The following ATP4A variants were observed in gnomAD, a reference collection of about 807,000 sequenced individuals.
ATP4A encodes potassium-transporting ATPase alpha chain 1.
In ATP4A, 73 loss-of-function variants were observed where a neutral mutation model predicts 112.1. That is an observed-to-expected ratio of 0.65 (90% CI 0.54 to 0.79). The LOEUF is 0.79. Among genes scored for constraint, ATP4A ranks in the 30% least tolerant of loss-of-function variants. The pLI is 0.00. For synonymous variants in ATP4A, 588 were observed against 588.9 expected, an observed-to-expected ratio of 1.00 and a Z score of 0.02; for missense variants, 1,081 against 1,425.9, an observed-to-expected ratio of 0.76 and a Z score of 3.90.
Position 35,558,292 on chromosome 19 carries a change from G to T in ATP4A, c.1500+70C>A. The T allele has an allele frequency of 6.5e-7, 1 of 1,533,840 alleles. No homozygotes were observed. Among genetic ancestry groups the T allele is most frequent in the South Asian group, 1.2e-5 (1 of 83,356 alleles). On this transcript the variant is annotated intron_variant, in intron 10 of 21. Coordinates refer to ENST00000262623, the MANE Select transcript of ATP4A (RefSeq NM_000704.3). This position sits in a 1 kb window ranked among gnomAD's most constrained non-coding sequence, Gnocchi z 5.1. ...GGAGCGAAGCCCCTCGTGGCCCGCT[G>T]ATGTGGGTGTGGCCTGGGGCGGGGC...
Position 35,550,285 on chromosome 19 carries a change from G to C in ATP4A, c.*330C>G, listed in dbSNP as rs1013814293. On this transcript the variant is annotated 3_prime_UTR_variant, in exon 22 of 22. Transcript: ENST00000262623. This position sits in a 1 kb window ranked among gnomAD's most constrained non-coding sequence, Gnocchi z 4.1. Reference sequence around the variant, plus strand: ...GGCCCTCAGGCAGCCGTCCAGCCTGGACTGGAGTCCTAAGAACAGAAACAC... The same window carrying C: ...GGCCCTCAGGCAGCCGTCCAGCCTGCACTGGAGTCCTAAGAACAGAAACAC... The C allele has an allele frequency of 5.3e-5, 20 of 378,112 alleles. No individual in the cohort carries two copies. Among genetic ancestry groups the C allele is most frequent in the African/African-American group, 3.9e-4 (19 of 48,992 alleles). 23.4% of individuals were successfully genotyped at this position (378,112 alleles called of 1,614,324 possible).
intron 3 of ATP4A, 36 bp from the exon 4 acceptor site, chr19:35,562,674 G>T (rs1452705682): frequency 9.1e-6 from 14 of 1,542,536 alleles, no homozygotes; most frequent in Non-Finnish European, 1.2e-5. Flanking sequence ...GGTCCTGGGG[G>T]CTTTCCTCCA....
chr19:35,561,352 C>T (rs562027531), intron 4 of ATP4A, among the ~76,000 whole-genome samples: 14 of 151,934 alleles, frequency 9.2e-5, no homozygotes, highest in African/African-American at 3.4e-4. Flanking sequence ...AGTTTCACAT[C>T]CTGGGTTTTC....
chr19:35,563,053 T>G (rs2071681408), intron 3 of ATP4A, among the ~76,000 whole-genome samples, 156 bp downstream of exon 3: 1 of 125,290 alleles, frequency 8.0e-6, no homozygotes, highest in Non-Finnish European at 1.6e-5. Flanking sequence ...CCTCCCTCCC[T>G]CTTTCCTTTT....
rs1356468011 is a variant in ATP4A at position 35,563,288 on chromosome 19, AG to A, written c.157-21del. On this transcript the variant is annotated intron_variant, in intron 2 of 21. Coordinates refer to ENST00000262623, the MANE Select transcript of ATP4A (RefSeq NM_000704.3). ...GTCGTTCTGTGTGGTGGGGTGGGGC[AG>A]GGTGCTTGCTCTGGGCTCTCCTGGC... is the stretch of plus-strand genomic sequence containing the variant. 1.2e-6 allele frequency: 2 copies of A among 1,613,974 alleles called. No individual in the cohort carries two copies. The highest frequency in any genetic ancestry group is 1.7e-6 in the Non-Finnish European group (2 of 1,180,004).
chr19:35,559,816 C>T lies in ATP4A; in HGVS notation c.1045G>A (p.Ala349Thr). Reference sequence around the variant, plus strand: ...CTGCCCCCACTCACTGTGACAGTGGCCAGCAGCCCCTCAGGCACATAGGCC... The same window carrying T: ...CTGCCCCCACTCACTGTGACAGTGGTCAGCAGCCCCTCAGGCACATAGGCC... ...VVAYVPEGLL[A>T]TVTVCLSLTA... is the part of the protein sequence containing the mutation. Residue 349 changes from alanine (A) to threonine (T), a missense_variant, in exon 7 of 22, where the codon GCC becomes ACC. Around this residue, in one of 3 missense-constraint regions of ATP4A, gnomAD observed 850 missense variants for 1,068.2 expected, o/e 0.80. Transcript: ENST00000262623. This position sits in a 1 kb window ranked among gnomAD's most constrained non-coding sequence, Gnocchi z 4.1. 5 of 1,613,910 alleles carry T rather than the reference C, an allele frequency of 3.1e-6. No individual in the cohort carries two copies. The highest frequency in any genetic ancestry group is 4.2e-6 in the Non-Finnish European group (5 of 1,179,836).
rs758505901 is a variant in ATP4A at position 35,557,656 on chromosome 19, G to A, written c.1692C>T (p.Leu564=). 25 of 1,604,748 alleles carry A rather than the reference G, an allele frequency of 1.6e-5. No individual in the cohort carries two copies. Among genetic ancestry groups the A allele is most frequent in the Non-Finnish European group, 2.0e-5 (24 of 1,176,616 alleles). The change falls in exon 11 of 22, where the codon CTC becomes CTT. Residue 564 remains leucine (L), a splice_region_variant and synonymous_variant. Transcript: ENST00000262623. This position sits in a 1 kb window ranked among gnomAD's most constrained non-coding sequence, Gnocchi z 4.4. ...LSLGGLGERV[L]GFCQLYLNEK... is the part of the protein sequence containing the mutation. ...TCCTCCCCTGCCCAGGGGTCTCACC[G>A]AGCACGCGTTCGCCCAGGCCTCCCA...
Position 35,562,527 on chromosome 19 carries a change from C to A in ATP4A, c.328G>T (p.Gly110Cys). The A allele has an allele frequency of 6.2e-7, 1 of 1,613,912 alleles. No individual in the cohort carries two copies. The highest frequency in any genetic ancestry group is 8.5e-7 in the Non-Finnish European group (1 of 1,179,954). The change falls in exon 4 of 22, where the codon GGC becomes TGC. Residue 110 changes from glycine (G) to cysteine (C), a missense_variant. Gly to Cys is a radical substitution (Grantham distance 159). This residue lies in a region of ATP4A where 850 missense variants were observed against 1,068.2 expected (regional missense o/e 0.80). Coordinates refer to ENST00000262623, the MANE Select transcript of ATP4A (RefSeq NM_000704.3). ...GCAACCCACATGAGGCACTGCAGGC[C>A]CCCGGCCAGCTGCCTCGCGAACTTG... Reference protein sequence around the residue: ...YVKFARQLAGGLQCLMWVAAA... With the variant: ...YVKFARQLAGCLQCLMWVAAA...
chr19:35,560,422 G>T lies in ATP4A; in HGVS notation c.728C>A (p.Thr243Lys). 4 of 1,613,884 alleles carry T rather than the reference G, an allele frequency of 2.5e-6. No homozygotes were observed. The highest frequency in any genetic ancestry group is 3.4e-6 in the Non-Finnish European group (4 of 1,180,000). Residue 243 changes from threonine (T) to lysine (K), a missense_variant, in exon 6 of 22, where the codon ACG becomes AAG. Physicochemically the swap from Thr to Lys is moderately conservative, Grantham distance 78 (BLOSUM62 -1). Coordinates refer to ENST00000262623, the MANE Select transcript of ATP4A (RefSeq NM_000704.3). The surrounding 1 kb of genome is among the most constrained non-coding windows in gnomAD (Gnocchi z 5.1). ...GCGGGTCTCCAGAGGGCTCTCGTGC[G>T]TGCACTCGGGTGAGCGGGTCTGTGG... The part of the protein sequence containing the change: ...SEPQTRSPEC[T>K]HESPLETRNI...
At position 35,559,197 on chromosome 19, in the gene ATP4A, G is replaced by A. The variant is rs757096293; in HGVS notation, c.1057-6C>T. 1.9e-6 allele frequency: 3 copies of A among 1,613,446 alleles called. No homozygotes were observed. In the South Asian group the frequency reaches 3.3e-5, roughly 18 times the overall value. ...GCTGTCAGGGACAGGCAGACCTGGGGAAGGGGTGAGCACCGCAGGCTGGGG... is the reference window on the plus strand; with the variant it reads ...GCTGTCAGGGACAGGCAGACCTGGGAAAGGGGTGAGCACCGCAGGCTGGGG... On this transcript the variant is annotated splice_polypyrimidine_tract_variant and splice_region_variant and intron_variant, in intron 7 of 21. Coordinates refer to ENST00000262623, the MANE Select transcript of ATP4A (RefSeq NM_000704.3). This position sits in a 1 kb window ranked among gnomAD's most constrained non-coding sequence, Gnocchi z 4.1.
At position 35,551,052 on chromosome 19, in the gene ATP4A, T is replaced by C. The variant is rs2071598860; in HGVS notation, c.2945A>G (p.Tyr982Cys). Reference sequence around the variant, plus strand: ...GAAGATGTTGGGCATGCCGGGGCAGTAGCACAGGAAGCAGCCGATGCAGAC... The same window carrying C: ...GAAGATGTTGGGCATGCCGGGGCAGCAGCACAGGAAGCAGCCGATGCAGAC... ...FQVCIGCFLC[Y>C]CPGMPNIFNF... Residue 982 changes from tyrosine to cysteine, a missense_variant, in exon 20 of 22, where the codon TAC becomes TGC. Physicochemically the swap from Tyr to Cys is radical, Grantham distance 194. Around this residue, in one of 3 missense-constraint regions of ATP4A, gnomAD observed 219 missense variants for 320.9 expected, o/e 0.68. Transcript: ENST00000262623. The surrounding 1 kb of genome is among the most constrained non-coding windows in gnomAD (Gnocchi z 5.2). The C allele has an allele frequency of 1.5e-5, 25 of 1,613,744 alleles. No homozygotes were observed. The highest frequency in any genetic ancestry group is 2.0e-5 in the Non-Finnish European group (24 of 1,179,884).
At position 35,553,825 on chromosome 19, in the gene ATP4A, G is replaced by A; in HGVS notation, c.2486C>T (p.Pro829Leu). The A allele has an allele frequency of 6.4e-7, 1 of 1,574,290 alleles. No individual in the cohort carries two copies. Among genetic ancestry groups the A allele is most frequent in the Non-Finnish European group, 8.6e-7 (1 of 1,159,366 alleles). The change falls in exon 17 of 22, where the codon CCA (proline) becomes CTA (leucine). Residue 829 changes from proline to leucine, a missense_variant. Pro to Leu is a moderately conservative substitution (Grantham distance 98). Transcript: ENST00000262623. ...CTTTTCATATGCCAGGGACACAGAT[G>A]GGAACTGGCCAGGAGTGGAAGGAAC... is the stretch of plus-strand genomic sequence containing the variant. ...LFIELCTDIF[P>L]SVSLAYEKAE...
chr19:35,560,798 G>T lies in ATP4A; in HGVS notation c.534+21C>A, dbSNP rs1599575074. 6.2e-7 allele frequency: 1 copy of T among 1,609,542 alleles called. No individual in the cohort carries two copies. Among genetic ancestry groups the T allele is most frequent in the East Asian group, 2.2e-5 (1 of 44,866 alleles). On this transcript the variant is annotated intron_variant, in intron 5 of 21. Transcript: ENST00000262623. The surrounding 1 kb of genome is among the most constrained non-coding windows in gnomAD (Gnocchi z 5.1). ...TTTGGAGTCTCTGGGATCTGGAGTG[G>T]CTGGGTGCTGGGGAACCCACCTGTG...
intron 3 of ATP4A, 74 bp from the exon 4 acceptor site, chr19:35,562,712 C>A (rs1412009760): frequency 1.4e-6 from 2 of 1,435,730 alleles, no homozygotes; most frequent in Non-Finnish European, 1.9e-6. Flanking sequence ...AAGCCCCCTG[C>A]TTCAGTTTCC....
At position 35,559,732 on chromosome 19, in the gene ATP4A, G is replaced by C; in HGVS notation, c.1056+73C>G. On this transcript the variant is annotated intron_variant, in intron 7 of 21. Coordinates refer to ENST00000262623, the MANE Select transcript of ATP4A (RefSeq NM_000704.3). The surrounding 1 kb of genome is among the most constrained non-coding windows in gnomAD (Gnocchi z 4.1). ...GATAGACAGGCAGGGAGGTGATGGGGGAAATGTGGAGGAAAGAACAGATGG... is the reference window on the plus strand; with the variant it reads ...GATAGACAGGCAGGGAGGTGATGGGCGAAATGTGGAGGAAAGAACAGATGG... 6.4e-7 allele frequency: 1 copy of C among 1,558,306 alleles called. No individual in the cohort carries two copies. The highest frequency in any genetic ancestry group is 8.7e-7 in the Non-Finnish European group (1 of 1,149,844).
In ATP4A at chr19:35,559,842, AC is replaced by A. The variant is rs753035731; in HGVS notation, c.1018del (p.Val340TrpfsTer18). On this transcript the variant is annotated frameshift_variant, in exon 7 of 22. Transcript: ENST00000262623. LOFTEE classifies it high-confidence loss of function. This position sits in a 1 kb window ranked among gnomAD's most constrained non-coding sequence, Gnocchi z 4.1. ...CAGCAGCCCCTCAGGCACATAGGCC[AC>A]CACGATGGCCATGAAGAAGACCATG... Reference protein sequence around the residue: ...RAMVFFMAIVVAYVPEGLLAT... With the variant: ...RAMVFFMAIVXAYVPEGLLAT... The A allele has an allele frequency of 1.2e-6, 2 of 1,614,140 alleles. No homozygotes were observed. Among genetic ancestry groups the A allele is most frequent in the Non-Finnish European group, 8.5e-7 (1 of 1,180,000 alleles).
Position 35,550,622 on chromosome 19 carries a change from T to C in ATP4A, c.3101A>G (p.Tyr1034Cys). The C allele has an allele frequency of 6.2e-7, 1 of 1,613,684 alleles. No individual in the cohort carries two copies. Among genetic ancestry groups the C allele is most frequent in the Non-Finnish European group, 8.5e-7 (1 of 1,179,810 alleles). The change falls in exon 22 of 22, where the codon TAC (tyrosine) becomes TGC (cysteine). Residue 1034 changes from tyrosine (Y) to cysteine (C), a missense_variant. Around this residue, in one of 3 missense-constraint regions of ATP4A, gnomAD observed 219 missense variants for 320.9 expected, o/e 0.68. Transcript: ENST00000262623. The surrounding 1 kb of genome is among the most constrained non-coding windows in gnomAD (Gnocchi z 4.1). ...CPGSWWDQEL[Y>C]Y The stretch of plus-strand genomic sequence containing the variant: ...TTGAAGGCAGTCGTCCCTCTAATAG[T>C]AGAGTTCCTGGTCCCACCAGCCTGG...
In ATP4A at chr19:35,559,141, G is replaced by A. The variant is rs773406544; in HGVS notation, c.1107C>T (p.Val369=). 7.4e-6 allele frequency: 12 copies of A among 1,614,026 alleles called. No individual in the cohort carries two copies. In the East Asian group the frequency reaches 2.5e-4, roughly 33 times the overall value. ...AKRLASKNCV[V]KNLEAVETLG... ...ATGTCTCCACCGCCTCCAGGTTCTT[G>A]ACCACGCAGTTCTTACTGGCCAGGC... is the stretch of plus-strand genomic sequence containing the variant. Residue 369 remains valine, a synonymous_variant, in exon 8 of 22, where the codon GTC becomes GTT. Transcript: ENST00000262623. The surrounding 1 kb of genome is among the most constrained non-coding windows in gnomAD (Gnocchi z 4.1).
At position 35,554,903 on chromosome 19, in the gene ATP4A, C is replaced by T. The variant is rs992593504; in HGVS notation, c.2481+19G>A. 6.2e-7 allele frequency: 1 copy of T among 1,613,872 alleles called. No homozygotes were observed. Among genetic ancestry groups the T allele is most frequent in the South Asian group, 1.1e-5 (1 of 91,060 alleles). On this transcript the variant is annotated intron_variant, in intron 16 of 21. Transcript: ENST00000262623. ...TCTCTGGGCACCCTGTGGATGGGTA[C>T]CCTGGGCTGTGGACTTACAATGTCA... is the stretch of plus-strand genomic sequence containing the variant.
Sources: allele counts gnomAD v4.1 joint callset (sites outside exome capture counted in the v4.1 genomes callset), GRCh38; gene constraint gnomAD v4.1.1; regional missense constraint gnomAD v4.1.1; non-coding constraint Gnocchi (gnomAD v3.1); transcripts MANE v1.5; gene names NCBI Gene and HGNC (gene_info 2026-07-23, HGNC 2026-07-21).